Variants in SUSD6 observed in about 807,000 individuals in gnomAD.
The protein encoded by SUSD6 is sushi domain containing 6.
SUSD6 carries 16 observed loss-of-function variants against 28.4 expected under a neutral mutation model. The observed-to-expected ratio is 0.56, with a 90% CI of 0.38 to 0.86. The LOEUF (loss-of-function observed/expected upper bound fraction) is 0.86, where lower values mean the gene tolerates loss of function less well. Ranked by LOEUF, SUSD6 falls within the 40% of genes least tolerant of loss-of-function variation. The probability of loss-of-function intolerance (pLI) is 0.00; values close to 1 mark genes in which losing one functional copy is unlikely to be tolerated. For missense variants in SUSD6, 341 were observed against 384.2 expected, an observed-to-expected ratio of 0.89 and a Z score of 0.94; for synonymous variants, 147 against 159.6, an observed-to-expected ratio of 0.92 and a Z score of 0.59.
intron 1 of SUSD6, among the ~76,000 whole-genome samples, chr14:69,629,371 G>A (rs1055411170): frequency 6.6e-6 from 1 of 152,108 alleles, no homozygotes; most frequent in African/African-American, 2.4e-5. Context: ...TTTAATCCCT[G>A]GTATTTATAG....
intron 1 of SUSD6, among the ~76,000 whole-genome samples, chr14:69,627,789 C>T (rs572576448): frequency 1.3e-5 from 2 of 152,148 alleles, no homozygotes; most frequent in Admixed American, 1.3e-4. Context: ...GTAAAAGTGG[C>T]AGATGTTCTT....
chr14:69,663,176 T>G (rs920034161), intron 2 of SUSD6, among the ~76,000 whole-genome samples: 1 of 152,250 alleles, frequency 6.6e-6, no homozygotes, highest in African/African-American at 2.4e-5. Context: ...TTAATCCAAC[T>G]GGCTTGCTGA....
intron 3 of SUSD6, among the ~76,000 whole-genome samples, chr14:69,704,192 T>G (rs529468034): frequency 1.3e-5 from 2 of 152,220 alleles, no homozygotes; most frequent in African/African-American, 4.8e-5. Context: ...CAGTCCAGTT[T>G]CTGTAAATTA....
At position 69,708,816 on chromosome 14, in the gene SUSD6, C is replaced by G. The variant is rs1270628545; in HGVS notation, c.598C>G (p.Leu200Val). The G allele has an allele frequency of 6.2e-7, 1 of 1,614,182 alleles. No homozygotes were observed. The highest frequency in any genetic ancestry group is 8.5e-7 in the Non-Finnish European group (1 of 1,180,034). The change falls in exon 5 of 6, where the codon CTG becomes GTG. Residue 200 changes from leucine (L) to valine (V), a missense_variant. By Grantham distance (32) the Leu-to-Val change is conservative. Transcript: ENST00000342745. The part of the protein sequence containing the change: ...PPADPRVQIV[L>V]SEGSGPSGRS... ...TGCTGACCCCAGAGTACAGATTGTG[C>G]TGTCAGAAGGGTCTGGGCCCAGTGG...
At chr14:69,631,553 T>C (rs1885194855) in intron 1 of SUSD6, among the ~76,000 whole-genome samples, 1 of 152,198 alleles carries the variant, frequency 6.6e-6, no homozygotes, top group African/African-American at 2.4e-5. Flanking sequence ...TTAAGGTTGT[T>C]GCAAGGATTA....
In SUSD6 at chr14:69,704,853, G is replaced by A; in HGVS notation, c.458+111G>A. ...CCCCAATCTCTGTGGGTCTGTGTGTGTCCAGGGAGTGGGGAGGGCCCTGCC... is the reference window on the plus strand; with the variant it reads ...CCCCAATCTCTGTGGGTCTGTGTGTATCCAGGGAGTGGGGAGGGCCCTGCC... On this transcript the variant is annotated intron_variant, in intron 4 of 5. Coordinates refer to ENST00000342745, the MANE Select transcript of SUSD6 (RefSeq NM_014734.4). 5 of 1,179,218 alleles carry A rather than the reference G, an allele frequency of 4.2e-6. No individual in the cohort carries two copies. The South Asian group carries it at 7.2e-5, about 17-fold the overall frequency. 73.0% of individuals were successfully genotyped at this position (1,179,218 alleles called of 1,614,324 possible).
chr14:69,709,337 T>G (rs1158801621), intron 5 of SUSD6, among the ~76,000 whole-genome samples: 1 of 152,150 alleles, frequency 6.6e-6, no homozygotes, highest in Non-Finnish European at 1.5e-5. Flanking sequence ...TTGGAGTCTC[T>G]GAGGCCATTC....
At chr14:69,636,408 G>A (rs527530442) in intron 1 of SUSD6, among the ~76,000 whole-genome samples, 1 of 152,336 alleles carries the variant, frequency 6.6e-6, no homozygotes, top group South Asian at 2.1e-4. Context: ...AAGGTAGTGT[G>A]ACCAGCCAGG....
At chr14:69,631,191 G>A (rs1371300546) in intron 1 of SUSD6, among the ~76,000 whole-genome samples, 1 of 152,174 alleles carries the variant, frequency 6.6e-6, no homozygotes, top group African/African-American at 2.4e-5. Flanking sequence ...TGTTCAGCTG[G>A]CTTTCTGCTG....
intron 2 of SUSD6, among the ~76,000 whole-genome samples, chr14:69,666,962 G>A (rs975351893): frequency 1.3e-5 from 2 of 152,196 alleles, no homozygotes; most frequent in Non-Finnish European, 2.9e-5. Flanking sequence ...TGAGTAACAA[G>A]TGACACTCTA....
Position 69,702,233 on chromosome 14 carries a change from CT to C in SUSD6, c.122-1158del, listed in dbSNP as rs370168894. Among the ~76,000 whole-genome samples the C allele has an allele frequency of 7.7e-4, 118 of 152,320 alleles. 1 individual carries two copies. The South Asian group carries it at 0.015, about 19-fold the overall frequency. ...GCAAAATTGAATTTCCTTTGGAAAA[CT>C]TTTGGTCTTTATTGCATTCATGGTT... On this transcript the variant is annotated intron_variant, in intron 2 of 5. Coordinates refer to ENST00000342745, the MANE Select transcript of SUSD6 (RefSeq NM_014734.4).
chr14:69,692,950 G>A (rs1392931028), intron 2 of SUSD6, among the ~76,000 whole-genome samples: 1 of 152,202 alleles, frequency 6.6e-6, no homozygotes, highest in Non-Finnish European at 1.5e-5. Context: ...AGGTGATATG[G>A]TGAAGGAGAT....
intron 2 of SUSD6, among the ~76,000 whole-genome samples, chr14:69,698,913 T>C (rs1259034931): frequency 9.2e-5 from 14 of 152,226 alleles, no homozygotes; most frequent in Admixed American, 8.5e-4. Flanking sequence ...TTTAAAATTA[T>C]GTGGCACTGC....
intron 2 of SUSD6, among the ~76,000 whole-genome samples, chr14:69,693,680 T>G (rs2139638899): frequency 6.6e-6 from 1 of 152,346 alleles, no homozygotes. Context: ...CTTTCAAGTA[T>G]GCAGTTTTGT....
intron 1 of SUSD6, among the ~76,000 whole-genome samples, chr14:69,648,410 T>G (rs1885458437): frequency 6.6e-6 from 1 of 152,204 alleles, no homozygotes; most frequent in African/African-American, 2.4e-5. Flanking sequence ...TGAGCACCTA[T>G]TTTTTGTTTT....
chr14:69,622,634 C>T (rs1013437185), intron 1 of SUSD6, among the ~76,000 whole-genome samples: 2 of 152,070 alleles, frequency 1.3e-5, no homozygotes, highest in African/African-American at 2.4e-5. Context: ...CACTCTGTTG[C>T]GCAGGCTGGA....
chr14:69,612,968 C>T (rs1884903639), intron 1 of SUSD6, among the ~76,000 whole-genome samples: 2 of 152,226 alleles, frequency 1.3e-5, no homozygotes, highest in African/African-American at 4.8e-5. Context: ...CACACCCAAA[C>T]TGTCACCATC....
At chr14:69,701,158 G>A (rs1168979645) in intron 2 of SUSD6, among the ~76,000 whole-genome samples, 2 of 151,404 alleles carry the variant, frequency 1.3e-5, no homozygotes, top group African/African-American at 2.4e-5. Context: ...GTAAGTATTA[G>A]TTGAATTGAA....
At chr14:69,668,635 CA>C (rs11462807) in intron 2 of SUSD6, among the ~76,000 whole-genome samples, 17 of 138,044 alleles carry the variant, frequency 1.2e-4, no homozygotes, top group Admixed American at 2.2e-4. Flanking sequence ...GAATTCGTCT[CA>C]AAAAAAAAAA....
Sources: allele counts gnomAD v4.1 joint callset (sites outside exome capture counted in the v4.1 genomes callset), GRCh38; gene constraint gnomAD v4.1.1; transcripts MANE v1.5; gene names NCBI Gene and HGNC (gene_info 2026-07-23, HGNC 2026-07-21).